The following SDK1 variants were observed in gnomAD, a reference collection of about 807,000 sequenced individuals.
SDK1 encodes protein sidekick-1.
A neutral mutation model predicts 245.5 loss-of-function variants in SDK1; 157 were observed. The ratio of observed to expected loss-of-function variants is 0.64; its 90% CI spans 0.56 to 0.73. SDK1 has a LOEUF of 0.73. Ranked by LOEUF, SDK1 falls within the 30% of genes least tolerant of loss-of-function variation. SDK1 has a pLI of 0.00. For synonymous variants in SDK1, 1,647 were observed against 1,278.5 expected (o/e 1.29, Z -6.15); for missense variants, 3,583 against 3,002.3 (o/e 1.19, Z -4.52).
At chr7:3,467,321 G>C (rs1781038819) in intron 1 of SDK1, among the ~76,000 whole-genome samples, 1 of 151,780 alleles carries the variant, frequency 6.6e-6, no homozygotes, top group South Asian at 2.1e-4. Flanking sequence ...TAAAAAAAAG[G>C]AAACTACTTT....
At chr7:3,461,409 C>A (rs1476906304) in intron 1 of SDK1, among the ~76,000 whole-genome samples, 1 of 152,078 alleles carries the variant, frequency 6.6e-6, no homozygotes, top group African/African-American at 2.4e-5. Context: ...TAGATAACAC[C>A]CACATCTTCC....
At chr7:3,320,183 A>G (rs1236049410) in intron 1 of SDK1, among the ~76,000 whole-genome samples, 2 of 151,584 alleles carry the variant, frequency 1.3e-5, no homozygotes. Context: ...CGTCCTTCCC[A>G]CCGCACACAT....
chr7:4,143,383 A>G (rs1584276586), intron 28 of SDK1, among the ~76,000 whole-genome samples: 1 of 152,128 alleles, frequency 6.6e-6, no homozygotes, highest in East Asian at 1.9e-4. Context: ...TTTTATAATA[A>G]TATTAAAGCC....
At chr7:4,035,018 G>T (rs1788111600) in intron 17 of SDK1, among the ~76,000 whole-genome samples, 1 of 152,124 alleles carries the variant, frequency 6.6e-6, no homozygotes, top group Non-Finnish European at 1.5e-5. Context: ...TTGCTCTGTT[G>T]CCCAGGCTGG....
chr7:3,363,574 A>T (rs1781009941), intron 1 of SDK1, among the ~76,000 whole-genome samples: 1 of 152,184 alleles, frequency 6.6e-6, no homozygotes, highest in South Asian at 2.1e-4. Flanking sequence ...TTCTTCAAAG[A>T]CAGTTTTTCC....
chr7:3,453,633 C>T (rs547386124), intron 1 of SDK1, among the ~76,000 whole-genome samples: 1 of 152,314 alleles, frequency 6.6e-6, no homozygotes, highest in African/African-American at 2.4e-5. Flanking sequence ...GAGCAGATTT[C>T]CCCTTAGAGC....
chr7:3,754,090 T>G (rs922876005), intron 4 of SDK1, among the ~76,000 whole-genome samples: 1 of 152,212 alleles, frequency 6.6e-6, no homozygotes, highest in Non-Finnish European at 1.5e-5. Flanking sequence ...TGTTTTAGAT[T>G]AGCCAGTCAC....
chr7:3,606,006 C>T (rs960328289), intron 1 of SDK1, among the ~76,000 whole-genome samples: 3 of 152,038 alleles, frequency 2.0e-5, no homozygotes, highest in African/African-American at 2.4e-5. Flanking sequence ...GTTAATTTTG[C>T]ATTTTTGTGA....
chr7:3,443,181 A>G (rs894754184), intron 1 of SDK1, among the ~76,000 whole-genome samples: 4 of 152,192 alleles, frequency 2.6e-5, no homozygotes, highest in Non-Finnish European at 5.9e-5. Context: ...AGAATATTTA[A>G]TAAGCATTAA....
At chr7:4,009,012 C>T (rs925983986) in intron 14 of SDK1, among the ~76,000 whole-genome samples, 1 of 152,234 alleles carries the variant, frequency 6.6e-6, no homozygotes, top group Non-Finnish European at 1.5e-5. Flanking sequence ...ATATTCAGAA[C>T]AACCGCGAAA....
At chr7:3,582,199 TCTCAGGTAGGTCTCC>T (rs1279011373) in intron 1 of SDK1, among the ~76,000 whole-genome samples, 21 of 140,714 alleles carry the variant, frequency 1.5e-4, no homozygotes, top group African/African-American at 8.1e-5. Context: ...GGTAGGTCTG[TCTCAGGTAGGTCTCC>T]CTCAGGTAGG....
rs959829844 is a variant in SDK1, at chr7:3,898,843, T to C, written c.848-52080T>C. ...TTTTTAAGTGCCAAGAAGTTCATTC[T>C]TTACTAGGCTAAATTCATCTGTAAC... is the stretch of plus-strand genomic sequence containing the variant. On this transcript the variant is annotated intron_variant, in intron 5 of 44. Coordinates refer to ENST00000404826, the MANE Select transcript of SDK1 (RefSeq NM_152744.4). Among the ~76,000 whole-genome samples, 4 of 152,240 alleles carry C rather than the reference T, an allele frequency of 2.6e-5. 1 individual carries two copies. Among genetic ancestry groups the C allele is most frequent in the Non-Finnish European group, 5.9e-5 (4 of 68,036 alleles).
At chr7:3,830,462 G>C (rs950285955) in intron 5 of SDK1, among the ~76,000 whole-genome samples, 1 of 151,916 alleles carries the variant, frequency 6.6e-6, no homozygotes, top group Non-Finnish European at 1.5e-5. Context: ...TAGCAGTTTG[G>C]GGGCTAGAAC....
chr7:3,645,001 C>T lies in SDK1; in HGVS notation c.713+2896C>T, dbSNP rs115180543. Among the ~76,000 whole-genome samples the T allele has an allele frequency of 1.2e-3, 182 of 152,070 alleles. 1 individual carries two copies. The highest frequency in any genetic ancestry group is 4.3e-3 in the African/African-American group (177 of 41,474). On this transcript the variant is annotated intron_variant, in intron 4 of 44. Coordinates refer to ENST00000404826, the MANE Select transcript of SDK1 (RefSeq NM_152744.4). ...AGCTTTTAATTAACGTCAGTGGCAGCAAAATTCATGGTGGAAGAATTCTTT... is the reference window on the plus strand; with the variant it reads ...AGCTTTTAATTAACGTCAGTGGCAGTAAAATTCATGGTGGAAGAATTCTTT...
intron 5 of SDK1, among the ~76,000 whole-genome samples, chr7:3,865,301 T>G (rs1323637017): frequency 6.6e-6 from 1 of 151,868 alleles, no homozygotes; most frequent in African/African-American, 2.4e-5. Flanking sequence ...AAAGGGTGAG[T>G]TGGTGGGAGA....
chr7:3,394,833 A>T (rs1781851944), intron 1 of SDK1, among the ~76,000 whole-genome samples: 1 of 151,972 alleles, frequency 6.6e-6, no homozygotes, highest in African/African-American at 2.4e-5. Context: ...ATTGATTTTT[A>T]TATATTGATC....
chr7:3,354,151 A>G (rs1250372220), intron 1 of SDK1, among the ~76,000 whole-genome samples: 1 of 151,440 alleles, frequency 6.6e-6, no homozygotes, highest in South Asian at 2.1e-4. Flanking sequence ...GGCACCCGCC[A>G]CCACACCCGG....
At chr7:3,969,839 A>G (rs6974821) in intron 11 of SDK1, among the ~76,000 whole-genome samples, 64,008 of 152,132 alleles carry the variant, frequency 0.42, 15,490 homozygotes, top group African/African-American at 0.68. Context: ...CTAACCATCA[A>G]TGTTTCTTGT....
intron 14 of SDK1, among the ~76,000 whole-genome samples, chr7:3,992,163 G>A (rs772299865): frequency 7.2e-5 from 11 of 152,208 alleles, no homozygotes; most frequent in African/African-American, 1.7e-4. Context: ...TTTAGTGGCC[G>A]AGGCAGGCAC....
Sources: gnomAD v4.1 joint callset for allele counts (sites outside exome capture counted in the v4.1 genomes callset) on GRCh38, gnomAD v4.1.1 for gene constraint, MANE v1.5 for transcripts, NCBI Gene and HGNC (gene_info 2026-07-23, HGNC 2026-07-21) for gene names.